FSTL5: variants seen among roughly 807,000 people sequenced by gnomAD.
The protein encoded by FSTL5 is follistatin-related protein 5.
FSTL5 carries 62 observed loss-of-function variants against 89.1 expected under a neutral mutation model. The observed-to-expected ratio is 0.70, with a 90% CI of 0.57 to 0.86. The LOEUF (loss-of-function observed/expected upper bound fraction) is 0.86. Among genes scored for constraint, FSTL5 ranks in the 40% least tolerant of loss-of-function variants. The probability of loss-of-function intolerance (pLI) is 0.00; values close to 1 mark genes in which losing one functional copy is unlikely to be tolerated. For synonymous variants in FSTL5, 383 were observed against 346.2 expected (o/e 1.11, Z -1.18); for missense variants, 1,057 against 1,001.6 (o/e 1.06, Z -0.75).
intron 2 of FSTL5, among the ~76,000 whole-genome samples, chr4:162,099,573 G>A (rs1730904271): frequency 6.6e-6 from 1 of 151,768 alleles, no homozygotes. Context: ...TTGATAAGCT[G>A]GACTTCATTA....
At chr4:161,788,067 C>A (rs911571688) in intron 4 of FSTL5, among the ~76,000 whole-genome samples, 1 of 152,060 alleles carries the variant, frequency 6.6e-6, no homozygotes, top group Non-Finnish European at 1.5e-5. Flanking sequence ...TAAGTATTTG[C>A]CCTTTTCATG....
chr4:161,705,977 TATATATATATATATATATAC>T lies in FSTL5; in HGVS notation c.728-49503_728-49484del, dbSNP rs1487506684. Among the ~76,000 whole-genome samples the T allele has an allele frequency of 4.4e-3, 394 of 89,620 alleles. 34 individuals carry two copies. In the South Asian group the frequency reaches 0.072, roughly 16 times the overall value. 58.8% of individuals were successfully genotyped at this position (89,620 alleles called of 152,430 possible). ...GTATATATATATATATATATATATA[TATATATATATATATATATAC>T]ACACATCTACACACACACAGACTAT... On this transcript the variant is annotated intron_variant, in intron 6 of 15. Transcript: ENST00000306100.
rs1018559056 is a variant in FSTL5, at chr4:161,920,309, C to A, written c.409+95G>T. 8 of 1,260,456 alleles carry A rather than the reference C, an allele frequency of 6.3e-6. No homozygotes were observed. In the Admixed American group the frequency reaches 1.7e-4, roughly 28 times the overall value. The allele number at this position is 1,260,456 out of a possible 1,614,324, so 78.1% of individuals were successfully genotyped here. ...TTTTGTGTTTCTTTTCCTTTTTAGA[C>A]CCTTGCTGATATAAAATTGCTAGAG... On this transcript the variant is annotated intron_variant, in intron 4 of 15. Transcript: ENST00000306100.
intron 4 of FSTL5, among the ~76,000 whole-genome samples, chr4:161,811,160 T>G (rs1730133404): frequency 6.6e-6 from 1 of 152,066 alleles, no homozygotes; most frequent in Non-Finnish European, 1.5e-5. Context: ...GAACACCTTT[T>G]TGTTGATTGA....
chr4:161,844,743 G>A (rs774973566), intron 4 of FSTL5, among the ~76,000 whole-genome samples: 1 of 152,076 alleles, frequency 6.6e-6, no homozygotes, highest in Non-Finnish European at 1.5e-5. Flanking sequence ...GAGCAAATGA[G>A]AACACATGGA....
intron 6 of FSTL5, among the ~76,000 whole-genome samples, chr4:161,734,414 A>G (rs1739719685): frequency 6.6e-6 from 1 of 152,192 alleles, no homozygotes; most frequent in African/African-American, 2.4e-5. Flanking sequence ...AGACAGCTGT[A>G]ATCAAGTTTC....
intron 7 of FSTL5, among the ~76,000 whole-genome samples, chr4:161,593,247 A>T (rs1733892607): frequency 6.6e-6 from 1 of 152,074 alleles, no homozygotes; most frequent in African/African-American, 2.4e-5. Context: ...TGATTTTTTT[A>T]AAAATATTTA....
intron 4 of FSTL5, among the ~76,000 whole-genome samples, chr4:161,866,966 A>G (rs1732111403): frequency 6.6e-6 from 1 of 152,040 alleles, no homozygotes; most frequent in Non-Finnish European, 1.5e-5. Context: ...AGCAGGAAAG[A>G]CAGCATCAAA....
intron 1 of FSTL5, among the ~76,000 whole-genome samples, chr4:162,126,867 CGTGTTTGTCT>C (rs1037373475): frequency 1.6e-4 from 25 of 152,042 alleles, no homozygotes; most frequent in Admixed American, 8.5e-4. Context: ...ACAGATGGTA[CGTGTTTGTCT>C]GTGTTTTTAA....
At chr4:161,912,187 A>T (rs1429474122) in intron 4 of FSTL5, among the ~76,000 whole-genome samples, 1 of 152,206 alleles carries the variant, frequency 6.6e-6, no homozygotes, top group Admixed American at 6.5e-5. Flanking sequence ...ATTGAAAAAT[A>T]GTTGTAAAAA....
intron 3 of FSTL5, among the ~76,000 whole-genome samples, chr4:161,952,284 T>G (rs1409513896): frequency 6.6e-6 from 1 of 151,940 alleles, no homozygotes; most frequent in African/African-American, 2.4e-5. Context: ...TTTACCTTAT[T>G]GGAAAAATAT....
At chr4:161,690,650 G>A (rs576388045) in intron 6 of FSTL5, among the ~76,000 whole-genome samples, 54 of 152,062 alleles carry the variant, frequency 3.6e-4, no homozygotes, top group African/African-American at 1.3e-3. Context: ...GGATTTTTAG[G>A]TTTTTATAAC....
At chr4:161,923,808 T>C (rs927513791) in intron 3 of FSTL5, among the ~76,000 whole-genome samples, 2 of 151,786 alleles carry the variant, frequency 1.3e-5, no homozygotes, top group African/African-American at 4.8e-5. Context: ...TCTACACTAG[T>C]TCAGAGATTT....
chr4:161,856,300 T>C (rs1185097788), intron 4 of FSTL5, among the ~76,000 whole-genome samples: 3 of 152,078 alleles, frequency 2.0e-5, no homozygotes, highest in Non-Finnish European at 4.4e-5. Flanking sequence ...AATGTGTTTG[T>C]ATAAAAGGGT....
At chr4:161,677,108 T>C (rs1737332968) in intron 6 of FSTL5, among the ~76,000 whole-genome samples, 1 of 152,054 alleles carries the variant, frequency 6.6e-6, no homozygotes, top group South Asian at 2.1e-4. Flanking sequence ...TTGACCCCAA[T>C]TTAGGGAATT....
chr4:161,939,560 C>A (rs969288810), intron 3 of FSTL5, among the ~76,000 whole-genome samples: 1 of 151,938 alleles, frequency 6.6e-6, no homozygotes, highest in East Asian at 1.9e-4. Flanking sequence ...ATTAAGCTGG[C>A]TGACACACTT....
intron 15 of FSTL5, among the ~76,000 whole-genome samples, chr4:161,417,585 T>A (rs964768833): frequency 1.3e-5 from 2 of 152,218 alleles, no homozygotes; most frequent in African/African-American, 4.8e-5. Flanking sequence ...TACAGTTGAT[T>A]AAGAATTAAG....
At chr4:161,519,328 C>A (rs1032497759) in intron 10 of FSTL5, among the ~76,000 whole-genome samples, 5 of 152,032 alleles carry the variant, frequency 3.3e-5, no homozygotes, top group Admixed American at 1.3e-4. Context: ...AGATCGAGAC[C>A]ATCCTGGCTA....
chr4:161,774,004 G>T (rs1177315215), intron 5 of FSTL5, among the ~76,000 whole-genome samples: 2 of 152,178 alleles, frequency 1.3e-5, no homozygotes, highest in Non-Finnish European at 2.9e-5. Flanking sequence ...GCTCACGCAT[G>T]TAATCCCAGC....
Sources: gnomAD v4.1 joint callset for allele counts (sites outside exome capture counted in the v4.1 genomes callset) on GRCh38, gnomAD v4.1.1 for gene constraint, MANE v1.5 for transcripts, NCBI Gene and HGNC (gene_info 2026-07-23, HGNC 2026-07-21) for gene names.